Variants in POC1B observed in about 807,000 individuals in gnomAD.
POC1B encodes POC1 centriolar protein homolog B.
In POC1B, 44 loss-of-function variants were observed where a neutral mutation model predicts 60.6. The ratio of observed to expected loss-of-function variants is 0.73; its 90% CI spans 0.57 to 0.93. The LOEUF is 0.93. Ranked by LOEUF, POC1B falls within the 40% of genes least tolerant of loss-of-function variation. The pLI, the probability that POC1B is intolerant of heterozygous loss-of-function variation, is 0.00. For missense variants in POC1B, 555 were observed against 572.3 expected (o/e 0.97, Z 0.31); for synonymous variants, 180 against 198.9 (o/e 0.90, Z 0.80).
chr12:89,412,854 T>TCCCTTCCTC, the POC1B span, among the ~76,000 whole-genome samples: 2 of 130,010 alleles, frequency 1.5e-5, no homozygotes, highest in Admixed American at 7.8e-5. Flanking sequence ...TTCCTTTCCT[T>TCCCTTCCTC]CCTCCCTCCC....
At chr12:89,430,754 T>C (rs750172018) in intron 10 of POC1B, among the ~76,000 whole-genome samples, 2 of 152,182 alleles carry the variant, frequency 1.3e-5, no homozygotes, top group South Asian at 4.1e-4. Context: ...GAACCCCTCA[T>C]GTGGGGTCAG....
At chr12:89,425,075 C>G in intron 11 of POC1B, 86 bp downstream of exon 11, 1 of 1,367,118 alleles carries the variant, frequency 7.3e-7, no homozygotes, top group Non-Finnish European at 1.0e-6. Flanking sequence ...CTCCCCTGCT[C>G]TGCTAGTTCT....
chr12:89,471,642 T>A lies in POC1B; in HGVS notation c.648A>T (p.Arg216Ser). 1 of 1,612,148 alleles carries A rather than the reference T, an allele frequency of 6.2e-7. No individual in the cohort carries two copies. The highest frequency in any genetic ancestry group is 8.5e-7 in the Non-Finnish European group (1 of 1,178,952). ...SDQTVKVWDV[R>S]VNKLLQHYQV... ...GGTAATGCTGTAGTAATTTGTTCAC[T>A]CTTACATCCCAGACTTTCACAGTTT... Residue 216 changes from arginine (R) to serine (S), a missense_variant, in exon 6 of 12, where the codon AGA becomes AGT. By Grantham distance (110) the Arg-to-Ser change is moderately radical. Transcript: ENST00000313546.
chr12:89,472,009 C>T (rs112599970), intron 5 of POC1B, among the ~76,000 whole-genome samples, 159 bp downstream of exon 5: 3,782 of 152,140 alleles, frequency 0.025, 73 homozygotes, highest in Non-Finnish European at 0.036. Context: ...CTCAGGTGAT[C>T]CGCCTGCCTC....
At chr12:89,505,845 AAGC>A (rs1565754458) in intron 2 of POC1B, among the ~76,000 whole-genome samples, 1 of 152,222 alleles carries the variant, frequency 6.6e-6, no homozygotes, top group Non-Finnish European at 1.5e-5. Context: ...AGTCAGGAGA[AAGC>A]AGTGGTCTGG....
chr12:89,516,580 C>T (rs778739630), intron 2 of POC1B, among the ~76,000 whole-genome samples: 1 of 152,090 alleles, frequency 6.6e-6, no homozygotes, highest in Admixed American at 6.5e-5. Flanking sequence ...CTTACTAATC[C>T]CTCCAACAAT....
chr12:89,456,672 A>C (rs2120791492), intron 10 of POC1B, among the ~76,000 whole-genome samples: 1 of 152,314 alleles, frequency 6.6e-6, no homozygotes, highest in African/African-American at 2.4e-5. Flanking sequence ...TAAAGCTTTA[A>C]AAATAGAGAT....
At chr12:89,518,573 C>T (rs1185394059) in intron 2 of POC1B, among the ~76,000 whole-genome samples, 4 of 109,464 alleles carry the variant, frequency 3.7e-5, no homozygotes, top group African/African-American at 1.5e-4. Context: ...CAGTGTTTTG[C>T]CCAACATTTG....
chr12:89,459,169 T>C (rs577066565), intron 10 of POC1B, among the ~76,000 whole-genome samples: 73 of 151,798 alleles, frequency 4.8e-4, no homozygotes, highest in African/African-American at 1.6e-3. Context: ...TCTTAATACG[T>C]GAGACAGTGG....
At chr12:89,433,319 G>A (rs529550998) in intron 10 of POC1B, among the ~76,000 whole-genome samples, 2 of 152,280 alleles carry the variant, frequency 1.3e-5, no homozygotes, top group Non-Finnish European at 2.9e-5. Context: ...AGAGAGCACT[G>A]ATGACACAGG....
chr12:89,481,788 G>A (rs1868371329), intron 4 of POC1B, among the ~76,000 whole-genome samples: 1 of 152,166 alleles, frequency 6.6e-6, no homozygotes, highest in South Asian at 2.1e-4. Flanking sequence ...ACACAGAACT[G>A]AGAGATGCTC....
intron 2 of POC1B, among the ~76,000 whole-genome samples, chr12:89,517,980 C>T (rs142327716): frequency 1.3e-5 from 2 of 152,206 alleles, no homozygotes; most frequent in African/African-American, 2.4e-5. Context: ...TGCTGGCCTG[C>T]AGTAGATATC....
chr12:89,405,469 T>G, the POC1B span, among the ~76,000 whole-genome samples: 1 of 151,914 alleles, frequency 6.6e-6, no homozygotes, highest in Admixed American at 6.6e-5. Context: ...GTGGTGAAAA[T>G]CTGTCTCTAC....
In POC1B at chr12:89,525,891, G is replaced by A. The variant is rs1355731040; in HGVS notation, c.5C>T (p.Ala2Val). The A allele has an allele frequency of 6.8e-7, 1 of 1,469,456 alleles. No homozygotes were observed. Among genetic ancestry groups the A allele is most frequent in the African/African-American group, 1.4e-5 (1 of 70,784 alleles). 91.0% of individuals were successfully genotyped at this position (1,469,456 alleles called of 1,614,324 possible). The change falls in exon 1 of 12, where the codon GCC (alanine) becomes GTC (valine). Residue 2 changes from alanine to valine, a missense_variant. Physicochemically the swap from Ala to Val is moderately conservative, Grantham distance 64. Coordinates refer to ENST00000313546, the MANE Select transcript of POC1B (RefSeq NM_172240.3). MASATEDPVLER... is the reference protein window; with the variant it reads MVSATEDPVLER... ...CCAACCCGTCCTTACCGTGGCTGAGGCCATCGGGGGAGTGGTCGGCCCAAG... is the reference window on the plus strand; with the variant it reads ...CCAACCCGTCCTTACCGTGGCTGAGACCATCGGGGGAGTGGTCGGCCCAAG...
the POC1B span, among the ~76,000 whole-genome samples, chr12:89,412,002 G>A: frequency 2.0e-5 from 3 of 152,168 alleles, no homozygotes; most frequent in Non-Finnish European, 4.4e-5. Context: ...TATAGCAAAA[G>A]GCCCAGGCAC....
intron 2 of POC1B, among the ~76,000 whole-genome samples, chr12:89,503,276 G>A (rs555124263): frequency 6.6e-6 from 1 of 152,346 alleles, no homozygotes; most frequent in East Asian, 1.9e-4. Flanking sequence ...CGCCACGCCT[G>A]ACTGGTTTTT....
At chr12:89,445,735 A>C (rs1372036539) in intron 10 of POC1B, among the ~76,000 whole-genome samples, 1 of 152,242 alleles carries the variant, frequency 6.6e-6, no homozygotes, top group African/African-American at 2.4e-5. Flanking sequence ...AGCAATGGCA[A>C]CAAAAGCCAA....
Position 89,459,623 on chromosome 12 carries a change from A to AAAC in POC1B, c.1113+14_1113+15insGTT. The AAAC allele has an allele frequency of 7.2e-7, 1 of 1,395,934 alleles. No individual in the cohort carries two copies. The highest frequency in any genetic ancestry group is 9.7e-7 in the Non-Finnish European group (1 of 1,034,600). The allele number at this position is 1,395,934 out of a possible 1,614,324, so 86.5% of individuals were successfully genotyped here. On this transcript the variant is annotated intron_variant, in intron 10 of 11. Transcript: ENST00000313546. ...CCACTTAAGTGTCAAAAAAAAAAAA[A>AAAC]AAAACCCGACTTACTGTGGTAGAAT...
At chr12:89,424,743 T>C (rs1323417826) in intron 11 of POC1B, among the ~76,000 whole-genome samples, 1 of 152,154 alleles carries the variant, frequency 6.6e-6, no homozygotes, top group Admixed American at 6.5e-5. Context: ...TATTCTAACA[T>C]GGGAATGCAA....
Sources: allele counts gnomAD v4.1 joint callset (sites outside exome capture counted in the v4.1 genomes callset), GRCh38; gene constraint gnomAD v4.1.1; transcripts MANE v1.5; gene names NCBI Gene and HGNC (gene_info 2026-07-23, HGNC 2026-07-21).